Variants in CCSER1 observed in about 807,000 individuals in gnomAD.
CCSER1 encodes the protein coiled-coil serine rich protein 1, also known as serine-rich coiled-coil domain-containing protein 1.
In CCSER1, 41 loss-of-function variants were observed where a neutral mutation model predicts 82.0. The observed-to-expected ratio is 0.50, with a 90% confidence interval of 0.39 to 0.65. CCSER1 has a LOEUF of 0.65. Ranked by LOEUF, CCSER1 falls within the 30% of genes least tolerant of loss-of-function variation. CCSER1 has a pLI of 0.00. For synonymous variants in CCSER1, 414 were observed against 383.9 expected, an observed-to-expected ratio of 1.08 and a Z score of -0.92; for missense variants, 1,119 against 1,064.2, an observed-to-expected ratio of 1.05 and a Z score of -0.72.
chr4:91,189,877 A>C lies in CCSER1; in HGVS notation c.2217+103883A>C, dbSNP rs191365301. Among the ~76,000 whole-genome samples, 5 of 152,268 alleles carry C rather than the reference A, an allele frequency of 3.3e-5. No individual in the cohort carries two copies. The East Asian group carries it at 9.6e-4, about 29-fold the overall frequency. ...TTTAATTGAGAGATTTGAGTTTATA[A>C]ATTTAAATTATTTTGATTATTAAAA... is the stretch of plus-strand genomic sequence containing the variant. On this transcript the variant is annotated intron_variant, in intron 10 of 10. Coordinates refer to ENST00000509176, the MANE Select transcript of CCSER1 (RefSeq NM_001145065.2).
At chr4:90,885,983 C>T (rs1271388508) in intron 8 of CCSER1, among the ~76,000 whole-genome samples, 1 of 152,068 alleles carries the variant, frequency 6.6e-6, no homozygotes, top group African/African-American at 2.4e-5. Context: ...AAGTCAGTCA[C>T]CTTGCAGTCC....
intron 10 of CCSER1, among the ~76,000 whole-genome samples, chr4:91,380,745 C>A (rs1750821744): frequency 6.6e-6 from 1 of 152,250 alleles, no homozygotes; most frequent in African/African-American, 2.4e-5. Context: ...AGCCCATTTA[C>A]ATTTAAGGCT....
intron 5 of CCSER1, among the ~76,000 whole-genome samples, chr4:90,548,545 A>C (rs1777067158): frequency 6.6e-6 from 1 of 152,060 alleles, no homozygotes; most frequent in African/African-American, 2.4e-5. Flanking sequence ...AACATCGTGA[A>C]GGTGCCTAGA....
intron 10 of CCSER1, among the ~76,000 whole-genome samples, chr4:91,576,704 C>A (rs1476954084): frequency 1.3e-5 from 2 of 151,892 alleles, no homozygotes; most frequent in Admixed American, 1.3e-4. Flanking sequence ...TTTTTATACA[C>A]TTTATACACA....
intron 8 of CCSER1, among the ~76,000 whole-genome samples, chr4:90,908,862 A>G (rs755325348): frequency 1.5e-4 from 23 of 152,180 alleles, no homozygotes; most frequent in Non-Finnish European, 2.5e-4. Context: ...TGGAGAAGGT[A>G]TGGATGAAGA....
chr4:91,412,351 T>G (rs1345429903), intron 10 of CCSER1, among the ~76,000 whole-genome samples: 1 of 151,786 alleles, frequency 6.6e-6, no homozygotes, highest in Admixed American at 6.6e-5. Flanking sequence ...AAGACACAGC[T>G]CCAACCTCCC....
At chr4:91,515,285 T>TCC (rs1760045147) in intron 10 of CCSER1, among the ~76,000 whole-genome samples, 1 of 152,132 alleles carries the variant, frequency 6.6e-6, no homozygotes, top group African/African-American at 2.4e-5. Context: ...GGGATTGGTG[T>TCC]ACAGACTGTC....
At chr4:91,305,499 G>C (rs1399023177) in intron 10 of CCSER1, among the ~76,000 whole-genome samples, 6 of 151,994 alleles carry the variant, frequency 3.9e-5, no homozygotes, top group Admixed American at 3.9e-4. Context: ...ACATAGGAAA[G>C]GCTATAAAAT....
chr4:90,319,019 G>T (rs532761670), intron 3 of CCSER1, among the ~76,000 whole-genome samples: 1 of 152,268 alleles, frequency 6.6e-6, no homozygotes, highest in South Asian at 2.1e-4. Flanking sequence ...AAGTTAAGAA[G>T]AGTTAAAATG....
At chr4:90,831,092 A>G (rs577011674) in intron 8 of CCSER1, among the ~76,000 whole-genome samples, 1 of 152,182 alleles carries the variant, frequency 6.6e-6, no homozygotes, top group East Asian at 1.9e-4. Flanking sequence ...CTATCTCATT[A>G]GCTAACAAGC....
chr4:91,015,191 C>T (rs1739321876), intron 9 of CCSER1, among the ~76,000 whole-genome samples: 1 of 151,960 alleles, frequency 6.6e-6, no homozygotes, highest in Admixed American at 6.6e-5. Context: ...TCATTAAAAA[C>T]ATGTGGTTAT....
intron 10 of CCSER1, among the ~76,000 whole-genome samples, chr4:91,410,284 A>C (rs1200650698): frequency 6.6e-6 from 1 of 152,148 alleles, no homozygotes; most frequent in Non-Finnish European, 1.5e-5. Context: ...GATTTTTTTC[A>C]ATTTAAAATA....
At chr4:91,081,449 C>T (rs1722730480) in intron 9 of CCSER1, among the ~76,000 whole-genome samples, 1 of 152,138 alleles carries the variant, frequency 6.6e-6, no homozygotes, top group South Asian at 2.1e-4. Context: ...AACCCACAGC[C>T]AATATCATAC....
At chr4:90,409,717 A>G (rs894658126) in intron 4 of CCSER1, among the ~76,000 whole-genome samples, 2 of 152,234 alleles carry the variant, frequency 1.3e-5, no homozygotes, top group Non-Finnish European at 2.9e-5. Flanking sequence ...AAGAAACTGC[A>G]TCAACTAAAG....
intron 3 of CCSER1, among the ~76,000 whole-genome samples, chr4:90,321,387 A>G (rs1324432929): frequency 1.3e-5 from 2 of 152,166 alleles, no homozygotes; most frequent in Admixed American, 1.3e-4. Flanking sequence ...TGCAATTGAC[A>G]GGATCTCATC....
intron 5 of CCSER1, among the ~76,000 whole-genome samples, chr4:90,543,718 C>A (rs1489013539): frequency 6.6e-6 from 1 of 152,134 alleles, no homozygotes. Flanking sequence ...TCTTTAACTG[C>A]ACCTGTAAGC....
chr4:90,957,729 C>T (rs1733667044), intron 9 of CCSER1, among the ~76,000 whole-genome samples: 1 of 139,684 alleles, frequency 7.2e-6, no homozygotes, highest in Non-Finnish European at 1.5e-5. Flanking sequence ...CCCACACATA[C>T]ACACACAGCT....
chr4:91,232,899 G>T (rs1189462130), intron 10 of CCSER1, among the ~76,000 whole-genome samples: 1 of 151,688 alleles, frequency 6.6e-6, no homozygotes, highest in Admixed American at 6.6e-5. Context: ...AGAAGGGAAG[G>T]CAGGGTTTTG....
chr4:90,823,407 A>T (rs1760021155), intron 8 of CCSER1, among the ~76,000 whole-genome samples: 1 of 152,126 alleles, frequency 6.6e-6, no homozygotes, highest in Non-Finnish European at 1.5e-5. Context: ...TTTGAGAGTT[A>T]AGTTTGTGAT....
Sources: allele counts gnomAD v4.1 joint callset (sites outside exome capture counted in the v4.1 genomes callset), GRCh38; gene constraint gnomAD v4.1.1; transcripts MANE v1.5; gene names NCBI Gene and HGNC (gene_info 2026-07-23, HGNC 2026-07-21).